The following FGFBP1 variants were observed in gnomAD, a reference collection of about 807,000 sequenced individuals.
FGFBP1 encodes the protein fibroblast growth factor-binding protein 1.
Under a neutral mutation model 14.6 loss-of-function variants are expected in FGFBP1, and 12 were observed. The observed-to-expected ratio is 0.82, with a 90% CI of 0.53 to 1.33. FGFBP1 has a LOEUF of 1.33. FGFBP1 is among the 40% of genes most tolerant of loss of function. FGFBP1 has a pLI of 0.00. For synonymous variants in FGFBP1, 117 were observed against 105.0 expected (o/e 1.11, Z -0.70); for missense variants, 317 against 271.8 (o/e 1.17, Z -1.17).
At position 15,938,324 on chromosome 4, in the gene FGFBP1, A is replaced by G. The variant is rs1712545187; in HGVS notation, c.-94T>C. On this transcript the variant is annotated 5_prime_UTR_variant, in exon 2 of 3. Coordinates refer to ENST00000382333, the MANE Select transcript of FGFBP1 (RefSeq NM_005130.5). ...ATTGCAGGCTGCAGCTGTGTCAGGT[A>G]GAGTGCAAGGGGGGTAGACTATTCA... 6.6e-6 allele frequency: 1 copy of G among 152,406 alleles called. No homozygotes were observed. The highest frequency in any genetic ancestry group is 6.5e-5 in the Admixed American group (1 of 15,290). 9.4% of individuals were successfully genotyped at this position (152,406 alleles called of 1,614,324 possible).
chr4:15,936,221 C>T lies in FGFBP1; in HGVS notation c.412G>A (p.Val138Met). The T allele has an allele frequency of 6.2e-7, 1 of 1,614,226 alleles. No individual in the cohort carries two copies. Among genetic ancestry groups the T allele is most frequent in the African/African-American group, 1.3e-5 (1 of 75,054 alleles). Residue 138 changes from valine to methionine, a missense_variant, in exon 3 of 3, where the codon GTG becomes ATG. Coordinates refer to ENST00000382333, the MANE Select transcript of FGFBP1 (RefSeq NM_005130.5). The stretch of plus-strand genomic sequence containing the variant: ...GATTCTGGAAAATCCTTTCTGCACA[C>T]TCTGGTTTTCACAGCTGTCTTGGAA... ...RYSKTAVKTR[V>M]CRKDFPESSL...
In FGFBP1 at chr4:15,936,047, C is replaced by G. The variant is rs61999310; in HGVS notation, c.586G>C (p.Glu196Gln). 10 of 1,614,050 alleles carry G rather than the reference C, an allele frequency of 6.2e-6. No homozygotes were observed. The African/African-American group carries it at 1.3e-4, about 22-fold the overall frequency. ...GCCATATCTGGGTCCTCCACACACT[C>G]GGGAGCTTTGGTGGCCATGGTCTGG... ...VTQTMATKAP[E>Q]CVEDPDMANQ... The change falls in exon 3 of 3, where the codon GAG becomes CAG. Residue 196 changes from glutamate (E) to glutamine (Q), a missense_variant. Glu to Gln is a conservative substitution (Grantham distance 29). Coordinates refer to ENST00000382333, the MANE Select transcript of FGFBP1 (RefSeq NM_005130.5).
Position 15,936,015 on chromosome 4 carries a change from C to G in FGFBP1, c.618G>C (p.Gln206His), listed in dbSNP as rs756399843. The change falls in exon 3 of 3, where the codon CAG becomes CAC. Residue 206 changes from glutamine to histidine, a missense_variant. Gln to His is a conservative substitution (Grantham distance 24). Coordinates refer to ENST00000382333, the MANE Select transcript of FGFBP1 (RefSeq NM_005130.5). Reference protein sequence around the residue: ...ECVEDPDMANQRKTALEFCGE... With the variant: ...ECVEDPDMANHRKTALEFCGE... ...CACAGAACTCCAGGGCAGTCTTCCT[C>G]TGGTTTGCCATATCTGGGTCCTCCA... is the stretch of plus-strand genomic sequence containing the variant. 6.2e-7 allele frequency: 1 copy of G among 1,614,054 alleles called. No homozygotes were observed. Among genetic ancestry groups the G allele is most frequent in the Non-Finnish European group, 8.5e-7 (1 of 1,180,034 alleles).
chr4:15,936,835 T>C (rs1036506402), intron 2 of FGFBP1, among the ~76,000 whole-genome samples, 183 bp from the exon 3 acceptor site: 2 of 152,240 alleles, frequency 1.3e-5, no homozygotes, highest in Non-Finnish European at 2.9e-5. Context: ...GACTTGAGTC[T>C]TGAGTGTCAC....
intron 2 of FGFBP1, among the ~76,000 whole-genome samples, chr4:15,937,318 G>T (rs554614595): frequency 3.4e-4 from 52 of 152,090 alleles, no homozygotes; most frequent in Admixed American, 1.8e-3. Flanking sequence ...TTGTGGGGGT[G>T]GGGGAGCTTT....
In FGFBP1 at chr4:15,936,295, C is replaced by T; in HGVS notation, c.338G>A (p.Trp113Ter). ...GCGCAGATTCCGGGCAACTTGTTTC[C>T]AATAGACTCTCTCATCCTTGAGCTT... ...CLKLKDERVYWKQVARNLRSQ... is the reference protein window; with the variant it reads ...CLKLKDERVY The change falls in exon 3 of 3, where the codon TGG (tryptophan) becomes TAG (stop). Residue 113 changes from tryptophan (W) to a stop codon, truncating the protein, a stop_gained. Coordinates refer to ENST00000382333, the MANE Select transcript of FGFBP1 (RefSeq NM_005130.5). LOFTEE classifies it high-confidence loss of function. 1 of 1,614,188 alleles carries T rather than the reference C, an allele frequency of 6.2e-7. No individual in the cohort carries two copies. The highest frequency in any genetic ancestry group is 8.5e-7 in the Non-Finnish European group (1 of 1,180,020).
chr4:15,935,891 G>T lies in FGFBP1; in HGVS notation c.*37C>A, dbSNP rs758981899. On this transcript the variant is annotated 3_prime_UTR_variant, in exon 3 of 3. Transcript: ENST00000382333. The stretch of plus-strand genomic sequence containing the variant: ...AAGTATACAGAGGGACTTACGACAT[G>T]ACATCTCTTAAGGGAACCCGTTCTC... 2.4e-5 allele frequency: 33 copies of T among 1,374,474 alleles called. No homozygotes were observed. In the Admixed American group the frequency reaches 6.5e-4, roughly 27 times the overall value. The allele number at this position is 1,374,474 out of a possible 1,614,324, so 85.1% of individuals were successfully genotyped here. A position where few individuals can be genotyped will look rare whatever the true frequency, so the allele number is the denominator to read the frequency against.
chr4:15,936,224 T>G lies in FGFBP1; in HGVS notation c.409A>C (p.Arg137=). ...TCTGGAAAATCCTTTCTGCACACTC[T>G]GGTTTTCACAGCTGTCTTGGAATAT... ...CRYSKTAVKT[R]VCRKDFPESS... Residue 137 remains arginine (R), a synonymous_variant, in exon 3 of 3, where the codon AGA becomes CGA. Coordinates refer to ENST00000382333, the MANE Select transcript of FGFBP1 (RefSeq NM_005130.5). The G allele has an allele frequency of 1.2e-6, 2 of 1,614,248 alleles. No homozygotes were observed. Among genetic ancestry groups the G allele is most frequent in the Non-Finnish European group, 1.7e-6 (2 of 1,180,038 alleles).
In FGFBP1 at chr4:15,936,271, C is replaced by A; in HGVS notation, c.362G>T (p.Arg121Leu). ...VYWKQVARNL[R>L]SQKDICRYSK... ...ATATCTACAGATGTCTTTCTGTGAG[C>A]GCAGATTCCGGGCAACTTGTTTCCA... The change falls in exon 3 of 3, where the codon CGC becomes CTC. Residue 121 changes from arginine (R) to leucine (L), a missense_variant. Coordinates refer to ENST00000382333, the MANE Select transcript of FGFBP1 (RefSeq NM_005130.5). 2 of 1,614,152 alleles carry A rather than the reference C, an allele frequency of 1.2e-6. No homozygotes were observed. Among genetic ancestry groups the A allele is most frequent in the Non-Finnish European group, 1.7e-6 (2 of 1,180,014 alleles).
rs1712455511 is a variant in FGFBP1 at position 15,935,591 on chromosome 4, A to G, written c.*337T>C. On this transcript the variant is annotated 3_prime_UTR_variant, in exon 3 of 3. Coordinates refer to ENST00000382333, the MANE Select transcript of FGFBP1 (RefSeq NM_005130.5). Reference sequence around the variant, plus strand: ...ATGTTTGAATGTATTTCTGAAAAACACCCAGAGTTTTATTACCATTAATTC... The same window carrying G: ...ATGTTTGAATGTATTTCTGAAAAACGCCCAGAGTTTTATTACCATTAATTC... 1 of 194,202 alleles carries G rather than the reference A, an allele frequency of 5.1e-6. No homozygotes were observed. Among genetic ancestry groups the G allele is most frequent in the Non-Finnish European group, 1.0e-5 (1 of 96,366 alleles). 12.0% of individuals were successfully genotyped at this position (194,202 alleles called of 1,614,324 possible). A position where few individuals can be genotyped will look rare whatever the true frequency, so the allele number is the denominator to read the frequency against.
At position 15,936,392 on chromosome 4, in the gene FGFBP1, G is replaced by A; in HGVS notation, c.241C>T (p.Leu81Phe). ...AATEQEEGIS[L>F]KVECTQLDHE... ...TCCAATTGAGTGCACTCAACCTTGA[G>A]AGAGATGCCCTCCTCCTGCTCAGTA... Residue 81 changes from leucine to phenylalanine, a missense_variant, in exon 3 of 3, where the codon CTC becomes TTC. By Grantham distance (22) the Leu-to-Phe change is conservative. Coordinates refer to ENST00000382333, the MANE Select transcript of FGFBP1 (RefSeq NM_005130.5). 6.2e-7 allele frequency: 1 copy of A among 1,614,212 alleles called. No homozygotes were observed. The highest frequency in any genetic ancestry group is 2.2e-5 in the East Asian group (1 of 44,882).
In FGFBP1 at chr4:15,936,035, C is replaced by T; in HGVS notation, c.598G>A (p.Asp200Asn). The change falls in exon 3 of 3, where the codon GAC becomes AAC. Residue 200 changes from aspartate (D) to asparagine (N), a missense_variant. Transcript: ENST00000382333. ...TTCCTCTGGTTTGCCATATCTGGGT[C>T]CTCCACACACTCGGGAGCTTTGGTG... ...MATKAPECVEDPDMANQRKTA... is the reference protein window; with the variant it reads ...MATKAPECVENPDMANQRKTA... 1.2e-6 allele frequency: 2 copies of T among 1,614,170 alleles called. No homozygotes were observed. Among genetic ancestry groups the T allele is most frequent in the South Asian group, 2.2e-5 (2 of 91,082 alleles).
At chr4:15,937,303 TGGGGTTGTGGGGGTGGGG>T (rs971940773) in intron 2 of FGFBP1, among the ~76,000 whole-genome samples, 2 of 4,502 alleles carry the variant, frequency 4.4e-4, no homozygotes, top group African/African-American at 2.0e-3. Flanking sequence ...GTGGGGTGGG[TGGGGTTGTGGGGGTGGGG>T]GAGCTTTTTG....
In FGFBP1 at chr4:15,935,589, A is replaced by T. The variant is rs1430147014; in HGVS notation, c.*339T>A. 1 of 190,618 alleles carries T rather than the reference A, an allele frequency of 5.2e-6. No individual in the cohort carries two copies. The highest frequency in any genetic ancestry group is 1.1e-5 in the Non-Finnish European group (1 of 94,064). 11.8% of individuals were successfully genotyped at this position (190,618 alleles called of 1,614,324 possible). A position where few individuals can be genotyped will look rare whatever the true frequency, so the allele number is the denominator to read the frequency against. On this transcript the variant is annotated 3_prime_UTR_variant, in exon 3 of 3. Coordinates refer to ENST00000382333, the MANE Select transcript of FGFBP1 (RefSeq NM_005130.5). ...CAATGTTTGAATGTATTTCTGAAAA[A>T]CACCCAGAGTTTTATTACCATTAAT...
rs758093702 is a variant in FGFBP1, at chr4:15,936,425, A to G, written c.208T>C (p.Trp70Arg). Residue 70 changes from tryptophan (W) to arginine (R), a missense_variant, in exon 3 of 3, where the codon TGG becomes CGG. By Grantham distance (101) the Trp-to-Arg change is moderately radical. Coordinates refer to ENST00000382333, the MANE Select transcript of FGFBP1 (RefSeq NM_005130.5). Reference sequence around the variant, plus strand: ...CCCTCCTCCTGCTCAGTAGCAGCCCATCTGCAGTTGGCTTGGTCTTTGGTG... The same window carrying G: ...CCCTCCTCCTGCTCAGTAGCAGCCCGTCTGCAGTTGGCTTGGTCTTTGGTG... Reference protein sequence around the residue: ...FVTKDQANCRWAATEQEEGIS... With the variant: ...FVTKDQANCRRAATEQEEGIS... 1.9e-6 allele frequency: 3 copies of G among 1,614,158 alleles called. No homozygotes were observed. Among genetic ancestry groups the G allele is most frequent in the Non-Finnish European group, 1.7e-6 (2 of 1,180,008 alleles).
chr4:15,937,450 G>A (rs1321018647), intron 2 of FGFBP1, among the ~76,000 whole-genome samples: 1 of 152,182 alleles, frequency 6.6e-6, no homozygotes, highest in East Asian at 1.9e-4. Context: ...CTACAAGATC[G>A]AAGACAAGGA....
intron 2 of FGFBP1, among the ~76,000 whole-genome samples, chr4:15,937,463 A>C (rs945650630): frequency 2.6e-5 from 4 of 152,242 alleles, no homozygotes; most frequent in African/African-American, 9.6e-5. Flanking sequence ...GACAAGGATC[A>C]TGAGAAATCA....
At chr4:15,938,077 T>C (rs1712538007) in intron 2 of FGFBP1, among the ~76,000 whole-genome samples, 174 bp downstream of exon 2, 1 of 152,044 alleles carries the variant, frequency 6.6e-6, no homozygotes, top group South Asian at 2.1e-4. Flanking sequence ...AGAACAGCAA[T>C]AAATGGTGAA....
intron 2 of FGFBP1, among the ~76,000 whole-genome samples, 172 bp downstream of exon 2, chr4:15,938,079 A>T (rs1712538061): frequency 1.3e-5 from 2 of 152,186 alleles, no homozygotes; most frequent in Admixed American, 6.5e-5. Context: ...AACAGCAATA[A>T]ATGGTGAAGA....
Sources: allele counts gnomAD v4.1 joint callset (sites outside exome capture counted in the v4.1 genomes callset), GRCh38; gene constraint gnomAD v4.1.1; transcripts MANE v1.5; gene names NCBI Gene and HGNC (gene_info 2026-07-23, HGNC 2026-07-21).